The following DIP2C variants were observed in gnomAD, a reference collection of about 807,000 sequenced individuals.
DIP2C encodes the protein DIP2 acetate--CoA ligase C (putative), also known as disco-interacting protein 2 homolog C.
A neutral mutation model predicts 192.4 loss-of-function variants in DIP2C; 33 were observed. The ratio of observed to expected loss-of-function variants is 0.17; its 90% CI spans 0.13 to 0.23. The LOEUF (loss-of-function observed/expected upper bound fraction) is 0.23, where lower values mean the gene tolerates loss of function less well. DIP2C is among the 10% of genes least tolerant of loss of function. The pLI is 1.00. For synonymous variants in DIP2C, 979 were observed against 864.1 expected, an observed-to-expected ratio of 1.13 and a Z score of -2.33; for missense variants, 1,537 against 2,110.1, an observed-to-expected ratio of 0.73 and a Z score of 5.32.
chr10:463,983 CA>C (rs1335555812), intron 3 of DIP2C, among the ~76,000 whole-genome samples: 2 of 152,144 alleles, frequency 1.3e-5, no homozygotes, highest in Admixed American at 1.3e-4. Context: ...ACACCTTATA[CA>C]AAAATTAACT....
At chr10:415,729 G>A in intron 7 of DIP2C, 40 bp downstream of exon 7, 1 of 1,610,690 alleles carries the variant, frequency 6.2e-7, no homozygotes, top group Non-Finnish European at 8.5e-7. Context: ...CGGGACCATA[G>A]GAGCATCTGG....
At chr10:525,536 C>T (rs777840637) in intron 1 of DIP2C, among the ~76,000 whole-genome samples, 8 of 152,192 alleles carry the variant, frequency 5.3e-5, no homozygotes, top group Non-Finnish European at 1.2e-4. Flanking sequence ...TGTAAAAATT[C>T]GAGCTGATTG....
At chr10:312,233 G>A (rs1206914396) in intron 31 of DIP2C, among the ~76,000 whole-genome samples, 2 of 152,156 alleles carry the variant, frequency 1.3e-5, no homozygotes, top group African/African-American at 2.4e-5. Flanking sequence ...CGTCATCCAT[G>A]GCTGTGGTCC....
intron 9 of DIP2C, among the ~76,000 whole-genome samples, chr10:400,382 C>T (rs1233183181): frequency 6.6e-6 from 1 of 152,200 alleles, no homozygotes; most frequent in Non-Finnish European, 1.5e-5. Flanking sequence ...AACAATTTTC[C>T]TTCGATGATA....
intron 1 of DIP2C, among the ~76,000 whole-genome samples, chr10:492,150 A>G (rs1052690411): frequency 1.3e-5 from 2 of 152,092 alleles, no homozygotes; most frequent in African/African-American, 4.8e-5. Flanking sequence ...TGTCGGAGAC[A>G]CTCCAGCTCT....
intron 1 of DIP2C, among the ~76,000 whole-genome samples, chr10:573,714 T>A (rs1490424630): frequency 6.6e-6 from 1 of 152,202 alleles, no homozygotes; most frequent in Non-Finnish European, 1.5e-5. Context: ...CGGCTTTTTT[T>A]TTCCTCTTTT....
At chr10:510,759 G>A (rs954426496) in intron 1 of DIP2C, among the ~76,000 whole-genome samples, 9 of 152,222 alleles carry the variant, frequency 5.9e-5, no homozygotes, top group East Asian at 1.9e-4. Flanking sequence ...CAGCGCCTCC[G>A]TGTGCCGGGG....
intron 1 of DIP2C, among the ~76,000 whole-genome samples, chr10:579,433 CTA>C (rs1413989355): frequency 2.0e-5 from 3 of 151,658 alleles, no homozygotes; most frequent in Non-Finnish European, 4.4e-5. Flanking sequence ...CATAGGTACA[CTA>C]TAACACATGT....
At chr10:286,190 T>C (rs765117863) in intron 34 of DIP2C, 83 bp downstream of exon 34, 106 of 1,266,274 alleles carry the variant, frequency 8.4e-5, no homozygotes, top group Non-Finnish European at 1.1e-4. Context: ...ATGGAGGGCA[T>C]GTGAGCAGTT....
At chr10:385,443 C>T (rs945307210) in intron 14 of DIP2C, among the ~76,000 whole-genome samples, 1 of 152,310 alleles carries the variant, frequency 6.6e-6, no homozygotes, top group South Asian at 2.1e-4. Context: ...TGAAACAGAT[C>T]GTCATTTTCA....
intron 1 of DIP2C, among the ~76,000 whole-genome samples, chr10:618,264 A>G (rs1373286370): frequency 2.0e-5 from 3 of 152,224 alleles, no homozygotes; most frequent in African/African-American, 7.2e-5. Flanking sequence ...ATCTCTAAGA[A>G]ACAGGTTTTT....
rs1250885991 is a variant in DIP2C, at chr10:557,554, A to AC, written c.86-71025dup. 2.0e-5 allele frequency among the ~76,000 whole-genome samples: 3 copies of AC among 147,618 alleles called. No homozygotes were observed. In the East Asian group the frequency reaches 6.0e-4, roughly 29 times the overall value. ...TTTCTCAAAGCCAAAGGCTGCCAGGACCCCCTTTTCTTCACAAAGTCGTTA... is the reference window on the plus strand; with the variant it reads ...TTTCTCAAAGCCAAAGGCTGCCAGGACCCCCCTTTTCTTCACAAAGTCGTTA... On this transcript the variant is annotated intron_variant, in intron 1 of 36. Transcript: ENST00000280886.
chr10:557,779 G>C (rs1259958620), intron 1 of DIP2C, among the ~76,000 whole-genome samples: 3 of 58,004 alleles, frequency 5.2e-5, no homozygotes, highest in Non-Finnish European at 6.1e-5. Context: ...GATGGGCGGG[G>C]AGGGGGCGGG....
At chr10:394,814 A>AG (rs1202573627) in intron 10 of DIP2C, among the ~76,000 whole-genome samples, 1 of 145,644 alleles carries the variant, frequency 6.9e-6, no homozygotes, top group Non-Finnish European at 1.5e-5. Flanking sequence ...TTCAGCCTTC[A>AG]GGGAGGAGGG....
At chr10:611,720 C>T (rs1005579502) in intron 1 of DIP2C, among the ~76,000 whole-genome samples, 1 of 152,222 alleles carries the variant, frequency 6.6e-6, no homozygotes, top group Non-Finnish European at 1.5e-5. Flanking sequence ...CTAAGGCACA[C>T]ACGTAGGAAA....
At chr10:584,054 G>C (rs1409215631) in intron 1 of DIP2C, among the ~76,000 whole-genome samples, 4 of 152,100 alleles carry the variant, frequency 2.6e-5, no homozygotes, top group Admixed American at 2.0e-4. Context: ...TGGAGGAGGT[G>C]GCCCCCAAAT....
intron 1 of DIP2C, among the ~76,000 whole-genome samples, chr10:625,379 G>A (rs1426809919): frequency 2.0e-5 from 3 of 152,308 alleles, no homozygotes; most frequent in East Asian, 1.9e-4. Context: ...GGTAGGAGCC[G>A]ATTCCTAAAT....
chr10:456,903 G>A (rs563355647), intron 3 of DIP2C, among the ~76,000 whole-genome samples: 21 of 152,342 alleles, frequency 1.4e-4, no homozygotes, highest in Non-Finnish European at 2.9e-4. Flanking sequence ...CCTTCTCTAA[G>A]TCTTTTCTTC....
chr10:449,774 A>C (rs1968679078), intron 3 of DIP2C, among the ~76,000 whole-genome samples: 1 of 142,084 alleles, frequency 7.0e-6, no homozygotes, highest in Non-Finnish European at 1.5e-5. Context: ...TAAAACTTAA[A>C]GTATAATTAA....
Sources: allele counts gnomAD v4.1 joint callset (sites outside exome capture counted in the v4.1 genomes callset), GRCh38; gene constraint gnomAD v4.1.1; transcripts MANE v1.5; gene names NCBI Gene and HGNC (gene_info 2026-07-23, HGNC 2026-07-21).